The following PLXNA4 variants were observed in gnomAD, a reference collection of about 807,000 sequenced individuals.
PLXNA4 encodes plexin-A4.
PLXNA4 carries 44 observed loss-of-function variants against 191.8 expected under a neutral mutation model. The ratio of observed to expected loss-of-function variants is 0.23; its 90% CI spans 0.18 to 0.29. The LOEUF is 0.29. Ranked by LOEUF, PLXNA4 falls within the 10% of genes least tolerant of loss-of-function variation. PLXNA4 has a pLI of 1.00. For missense variants in PLXNA4, 1,800 were observed against 2,488.8 expected (o/e 0.72, Z 5.89); for synonymous variants, 1,082 against 1,009.5 (o/e 1.07, Z -1.36).
At chr7:132,647,696 CACAA>C (rs758257554) in intron 1 of PLXNA4, among the ~76,000 whole-genome samples, 17 of 151,730 alleles carry the variant, frequency 1.1e-4, no homozygotes, top group Non-Finnish European at 2.2e-4. Context: ...CATACACACT[CACAA>C]ACACACACAG....
intron 4 of PLXNA4, among the ~76,000 whole-genome samples, chr7:132,250,011 G>C (rs1350474215): frequency 6.6e-6 from 1 of 152,208 alleles, no homozygotes; most frequent in Non-Finnish European, 1.5e-5. Flanking sequence ...AATAGAGTTT[G>C]AAATAGTTTT....
At chr7:132,273,380 C>T (rs1347612481) in intron 4 of PLXNA4, among the ~76,000 whole-genome samples, 1 of 152,066 alleles carries the variant, frequency 6.6e-6, no homozygotes, top group Non-Finnish European at 1.5e-5. Flanking sequence ...ACACACCTCC[C>T]ATCACTTTGT....
At chr7:132,136,147 G>C (rs755788704) in intron 30 of PLXNA4, among the ~76,000 whole-genome samples, 8 of 152,164 alleles carry the variant, frequency 5.3e-5, no homozygotes, top group Admixed American at 1.3e-4. Context: ...CCTTGTGCCT[G>C]ACGCTGACTC....
chr7:132,233,516 GT>G, intron 5 of PLXNA4, among the ~76,000 whole-genome samples: 1 of 152,204 alleles, frequency 6.6e-6, no homozygotes, highest in East Asian at 1.9e-4. Context: ...GAAGCCCAAG[GT>G]TCTACTGTAA....
At chr7:132,275,985 A>ACTAG (rs1800262465) in intron 4 of PLXNA4, among the ~76,000 whole-genome samples, 1 of 152,180 alleles carries the variant, frequency 6.6e-6, no homozygotes, top group Non-Finnish European at 1.5e-5. Flanking sequence ...ATGCAGAAAG[A>ACTAG]GCTTCCTGGG....
Position 132,185,477 on chromosome 7 carries a change from A to G in PLXNA4, c.2994-14T>C. 6.2e-7 allele frequency: 1 copy of G among 1,607,464 alleles called. No homozygotes were observed. The highest frequency in any genetic ancestry group is 1.7e-5 in the Admixed American group (1 of 59,716). On this transcript the variant is annotated splice_polypyrimidine_tract_variant and intron_variant, in intron 15 of 31. Coordinates refer to ENST00000321063, the MANE Select transcript of PLXNA4 (RefSeq NM_020911.2). ...GATGGAGATCGCCTGGAGGGCAGGA[A>G]GACAGAGCACTGGGCGCCTGGTGTT... is the stretch of plus-strand genomic sequence containing the variant.
intron 3 of PLXNA4, among the ~76,000 whole-genome samples, chr7:132,389,078 T>C (rs998552456): frequency 6.6e-6 from 1 of 152,256 alleles, no homozygotes; most frequent in Non-Finnish European, 1.5e-5. Flanking sequence ...TTTTGAGAAG[T>C]ATCTGTTCAT....
chr7:132,329,231 T>C (rs935247632), intron 3 of PLXNA4, among the ~76,000 whole-genome samples: 2 of 152,208 alleles, frequency 1.3e-5, no homozygotes, highest in African/African-American at 4.8e-5. Flanking sequence ...TGCCTTCCTG[T>C]AGGTGGAATC....
Position 132,168,407 on chromosome 7 carries a change from G to T in PLXNA4, c.4183C>A (p.Gln1395Lys). The change falls in exon 22 of 32, where the codon CAG becomes AAG. Residue 1395 changes from glutamine to lysine, a missense_variant. This residue lies in a region of PLXNA4 where 1,397 missense variants were observed against 1,880.4 expected (regional missense o/e 0.74). Coordinates refer to ENST00000321063, the MANE Select transcript of PLXNA4 (RefSeq NM_020911.2). ...TCAGTGGCGTACTCCAGCTTGCTCT[G>T]CAGCACGGTCATGATGAGTGAGGCC... is the stretch of plus-strand genomic sequence containing the variant. ...NVASLIMTVL[Q>K]SKLEYATDVL... The T allele has an allele frequency of 6.2e-7, 1 of 1,613,908 alleles. No homozygotes were observed.
chr7:132,328,295 T>C (rs1183286740), intron 3 of PLXNA4, among the ~76,000 whole-genome samples: 1 of 152,150 alleles, frequency 6.6e-6, no homozygotes, highest in Non-Finnish European at 1.5e-5. Context: ...ATGAGCTATT[T>C]TGAGCCACCT....
chr7:132,564,296 GCTC>G (rs1230711150), intron 1 of PLXNA4, among the ~76,000 whole-genome samples: 19 of 98,316 alleles, frequency 1.9e-4, no homozygotes, highest in Non-Finnish European at 9.8e-5. Context: ...TCCTTCTGCT[GCTC>G]CTCCTCCTCT....
chr7:132,380,038 CA>C (rs1444499668), intron 3 of PLXNA4, among the ~76,000 whole-genome samples: 1 of 152,168 alleles, frequency 6.6e-6, no homozygotes, highest in Non-Finnish European at 1.5e-5. Context: ...AGGCAGGGCT[CA>C]CCACATTTTA....
intron 1 of PLXNA4, among the ~76,000 whole-genome samples, chr7:132,571,869 G>C (rs1801995436): frequency 6.6e-6 from 1 of 152,064 alleles, no homozygotes; most frequent in Admixed American, 6.5e-5. Context: ...GGAGAAAATG[G>C]GAATTGCCAA....
chr7:132,358,260 ATG>A (rs1374538991), intron 3 of PLXNA4, among the ~76,000 whole-genome samples: 1 of 152,228 alleles, frequency 6.6e-6, no homozygotes, highest in African/African-American at 2.4e-5. Flanking sequence ...TGTAGCAAGC[ATG>A]TGTGACTCAG....
At chr7:132,170,834 C>A (rs772108744) in intron 21 of PLXNA4, among the ~76,000 whole-genome samples, 5 of 152,226 alleles carry the variant, frequency 3.3e-5, no homozygotes, top group Non-Finnish European at 7.3e-5. Flanking sequence ...CAAATCAGGT[C>A]CATTTTCATT....
intron 2 of PLXNA4, among the ~76,000 whole-genome samples, chr7:132,584,147 C>T (rs1383686180): frequency 2.0e-5 from 3 of 152,176 alleles, no homozygotes; most frequent in South Asian, 2.1e-4. Flanking sequence ...TGCATGGGAA[C>T]CCATCAGATA....
intron 3 of PLXNA4, among the ~76,000 whole-genome samples, chr7:132,359,651 C>T (rs1803856084): frequency 1.3e-5 from 2 of 152,120 alleles, no homozygotes; most frequent in African/African-American, 4.8e-5. Context: ...TTTCTGATCT[C>T]TCCCACCCTG....
intron 1 of PLXNA4, among the ~76,000 whole-genome samples, chr7:132,550,692 C>T (rs1800523717): frequency 1.3e-5 from 2 of 152,226 alleles, no homozygotes; most frequent in South Asian, 4.1e-4. Context: ...GTCTGACAGA[C>T]TCAGCGGGAG....
intron 3 of PLXNA4, chr7:132,384,756 A>G: frequency 1.1e-6 from 1 of 906,362 alleles, no homozygotes; most frequent in Non-Finnish European, 1.3e-6. Flanking sequence ...ACACACACAC[A>G]CACACACACA....
Sources: allele counts gnomAD v4.1 joint callset (sites outside exome capture counted in the v4.1 genomes callset), GRCh38; gene constraint gnomAD v4.1.1; regional missense constraint gnomAD v4.1.1; transcripts MANE v1.5; gene names NCBI Gene and HGNC (gene_info 2026-07-23, HGNC 2026-07-21).